FAR2: variants seen among roughly 807,000 people sequenced by gnomAD.
The protein encoded by FAR2 is epididymis secretory protein Li 81.
A neutral mutation model predicts 56.0 loss-of-function variants in FAR2; 19 were observed. The observed-to-expected ratio is 0.34, with a 90% confidence interval of 0.24 to 0.50. The LOEUF (loss-of-function observed/expected upper bound fraction) is 0.50, where lower values mean the gene tolerates loss of function less well. FAR2 is among the 20% of genes least tolerant of loss of function. The pLI is 0.98. For missense variants in FAR2, 508 were observed against 642.2 expected (o/e 0.79, Z 2.26); for synonymous variants, 219 against 218.8 (o/e 1.00, Z -0.01).
At position 29,216,316 on chromosome 12, in the gene FAR2, T is replaced by C. The variant is rs201807751; in HGVS notation, c.-38-54096T>C. 3.9e-4 allele frequency among the ~76,000 whole-genome samples: 60 copies of C among 152,368 alleles called. No homozygotes were observed. In the East Asian group the frequency reaches 0.01, roughly 26 times the overall value. Reference sequence around the variant, plus strand: ...TGCTCTATTTCACTGGTATCTTCAATGATACTGCCCAATACTGTTATGTTT... The same window carrying C: ...TGCTCTATTTCACTGGTATCTTCAACGATACTGCCCAATACTGTTATGTTT... On this transcript the variant is annotated intron_variant, in intron 1 of 11. Transcript: ENST00000536681.
chr12:29,279,845 GATA>G (rs1286468466), intron 2 of FAR2, among the ~76,000 whole-genome samples: 2 of 151,900 alleles, frequency 1.3e-5, no homozygotes, highest in African/African-American at 4.8e-5. Flanking sequence ...AACTGTATCT[GATA>G]ATAATAGCTA....
chr12:29,193,997 G>A (rs951494950), intron 1 of FAR2, among the ~76,000 whole-genome samples: 1 of 152,086 alleles, frequency 6.6e-6, no homozygotes, highest in Non-Finnish European at 1.5e-5. Flanking sequence ...ATTTCAATAG[G>A]CAATGTACTA....
intron 2 of FAR2, among the ~76,000 whole-genome samples, chr12:29,285,435 GGCCTCTA>G (rs937946036): frequency 7.4e-4 from 113 of 152,132 alleles, no homozygotes; most frequent in African/African-American, 2.7e-3. Flanking sequence ...AAAAGCAAGA[GGCCTCTA>G]GTGTAAGCAG....
At chr12:29,199,945 T>C (rs758971757) in intron 1 of FAR2, among the ~76,000 whole-genome samples, 13 of 152,186 alleles carry the variant, frequency 8.5e-5, no homozygotes, top group Admixed American at 3.9e-4. Flanking sequence ...GACATCTGAA[T>C]AGAGTAGTAG....
intron 11 of FAR2, chr12:29,332,978 C>T: frequency 1.9e-6 from 1 of 533,506 alleles, no homozygotes; most frequent in Non-Finnish European, 3.5e-6. Context: ...AAATAACTTG[C>T]CCATGGTAAT....
chr12:29,260,266 T>A (rs1017501947), intron 1 of FAR2, among the ~76,000 whole-genome samples: 1 of 152,206 alleles, frequency 6.6e-6, no homozygotes, highest in African/African-American at 2.4e-5. Flanking sequence ...AGCCATATCT[T>A]GAATGTGGAG....
chr12:29,330,960 T>C (rs1949723092), intron 10 of FAR2, among the ~76,000 whole-genome samples: 1 of 152,218 alleles, frequency 6.6e-6, no homozygotes, highest in Non-Finnish European at 1.5e-5. Context: ...ACACTTTTGG[T>C]GTTCAAAATT....
At chr12:29,254,672 C>T (rs1035302331) in intron 1 of FAR2, among the ~76,000 whole-genome samples, 1 of 152,182 alleles carries the variant, frequency 6.6e-6, no homozygotes, top group African/African-American at 2.4e-5. Flanking sequence ...TTACTCCAGG[C>T]TGGCCATGGT....
chr12:29,192,450 T>A (rs2136608491), intron 1 of FAR2, among the ~76,000 whole-genome samples: 1 of 152,308 alleles, frequency 6.6e-6, no homozygotes, highest in East Asian at 1.9e-4. Context: ...GGCACTATGA[T>A]GGATGCTTTA....
At chr12:29,268,567 G>A (rs1465889947) in intron 1 of FAR2, among the ~76,000 whole-genome samples, 2 of 152,160 alleles carry the variant, frequency 1.3e-5, no homozygotes, top group East Asian at 3.8e-4. Flanking sequence ...GTGGTCGGTG[G>A]CCTCCCTTTT....
intron 1 of FAR2, among the ~76,000 whole-genome samples, chr12:29,160,033 C>T (rs1272178634): frequency 2.0e-5 from 3 of 152,162 alleles, no homozygotes; most frequent in African/African-American, 7.2e-5. Context: ...ACTTATTCTC[C>T]TGAACTAGAT....
At chr12:29,307,554 AC>A in intron 4 of FAR2, 103 bp from the exon 5 acceptor site, 1 of 1,168,680 alleles carries the variant, frequency 8.6e-7, no homozygotes, top group Non-Finnish European at 1.2e-6. Flanking sequence ...GAATTCCAGA[AC>A]CGAGGCTAAA....
At chr12:29,254,534 G>A (rs1410116641) in intron 1 of FAR2, among the ~76,000 whole-genome samples, 2 of 152,142 alleles carry the variant, frequency 1.3e-5, no homozygotes, top group African/African-American at 4.8e-5. Flanking sequence ...GATCAATTAG[G>A]TCTTTGTATT....
chr12:29,199,138 T>C (rs952179345), intron 1 of FAR2, among the ~76,000 whole-genome samples: 1 of 152,078 alleles, frequency 6.6e-6, no homozygotes, highest in Non-Finnish European at 1.5e-5. Context: ...TGTGGGCATA[T>C]GTTAGGAGAA....
At chr12:29,178,701 G>A (rs1949963521) in intron 1 of FAR2, among the ~76,000 whole-genome samples, 1 of 152,182 alleles carries the variant, frequency 6.6e-6, no homozygotes, top group Non-Finnish European at 1.5e-5. Context: ...ATTGCTTCTT[G>A]TAGTATAGGA....
intron 1 of FAR2, among the ~76,000 whole-genome samples, chr12:29,220,998 C>A (rs1002268952): frequency 6.6e-6 from 1 of 152,036 alleles, no homozygotes; most frequent in Non-Finnish European, 1.5e-5. Flanking sequence ...GGGCTGCCAG[C>A]GCTTGGGAGG....
At chr12:29,291,824 C>A (rs1591935306) in intron 2 of FAR2, among the ~76,000 whole-genome samples, 1 of 152,270 alleles carries the variant, frequency 6.6e-6, no homozygotes, top group African/African-American at 2.4e-5. Context: ...CCTGACAGGG[C>A]AAGTCCTATT....
chr12:29,242,573 T>C (rs1484044243), intron 1 of FAR2, among the ~76,000 whole-genome samples: 4 of 152,178 alleles, frequency 2.6e-5, no homozygotes, highest in Admixed American at 2.6e-4. Flanking sequence ...ATTCAACCTA[T>C]GGTAAAGAAA....
At chr12:29,291,318 A>G (rs753051438) in intron 2 of FAR2, 36 of 449,368 alleles carry the variant, frequency 8.0e-5, no homozygotes, top group Admixed American at 3.1e-4. Context: ...AAGAAATACA[A>G]TTTCCTAGGT....
Sources: gnomAD v4.1 joint callset for allele counts (sites outside exome capture counted in the v4.1 genomes callset) on GRCh38, gnomAD v4.1.1 for gene constraint, MANE v1.5 for transcripts, NCBI Gene and HGNC (gene_info 2026-07-23, HGNC 2026-07-21) for gene names.